Variants in HMCN1 observed in about 807,000 individuals in gnomAD.
HMCN1 encodes the protein hemicentin-1.
Under a neutral mutation model 625.9 loss-of-function variants are expected in HMCN1, and 321 were observed. The ratio of observed to expected loss-of-function variants is 0.51; its 90% confidence interval spans 0.47 to 0.56. The LOEUF (loss-of-function observed/expected upper bound fraction) is 0.56. HMCN1 is among the 20% of genes least tolerant of loss of function. The pLI, the probability that HMCN1 is intolerant of heterozygous loss-of-function variation, is 0.00. For synonymous variants in HMCN1, 2,425 were observed against 2,417.6 expected (o/e 1.00, Z -0.09); for missense variants, 6,588 against 6,887.3 (o/e 0.96, Z 1.54).
rs1427932901 is a variant in HMCN1, at chr1:186,148,912, G to A, written c.14609-2288G>A. On this transcript the variant is annotated intron_variant, in intron 93 of 106. Coordinates refer to ENST00000271588, the MANE Select transcript of HMCN1 (RefSeq NM_031935.3). ...TGCAGTGAACATTCACATGTCAGTGGGCAGTAATACTTTGAAAGGAATCTT... is the reference window on the plus strand; with the variant it reads ...TGCAGTGAACATTCACATGTCAGTGAGCAGTAATACTTTGAAAGGAATCTT... Among the ~76,000 whole-genome samples the A allele has an allele frequency of 3.3e-5, 5 of 151,302 alleles. No homozygotes were observed. In the Admixed American group the frequency reaches 3.3e-4, roughly 10 times the overall value.
chr1:186,160,613 A>G (rs867137692), intron 97 of HMCN1, among the ~76,000 whole-genome samples: 1 of 150,744 alleles, frequency 6.6e-6, no homozygotes, highest in Non-Finnish European at 1.5e-5. Flanking sequence ...AGATTCTGTT[A>G]TGTTGTGTCT....
Position 186,132,360 on chromosome 1 carries a change from T to C in HMCN1, c.13263T>C (p.Ala4421=). 1 of 1,612,968 alleles carries C rather than the reference T, an allele frequency of 6.2e-7. No homozygotes were observed. Residue 4421 remains alanine (A), a synonymous_variant, in exon 86 of 107, where the codon GCT becomes GCC. Transcript: ENST00000271588. The part of the protein sequence containing the change: ...NEDAGDYTCV[A]TNEAGVVERS... ...ATGCCGGTGACTATACATGTGTAGC[T>C]ACCAATGAAGCTGGGGTGGTGGAGC...
chr1:185,908,416 T>A (rs1045612591), intron 4 of HMCN1, among the ~76,000 whole-genome samples: 1 of 151,940 alleles, frequency 6.6e-6, no homozygotes, highest in African/African-American at 2.4e-5. Flanking sequence ...AAAGAAAATT[T>A]TCATGGTGAT....
Position 186,015,983 on chromosome 1 carries a change from G to A in HMCN1, c.4935G>A (p.Leu1645=), listed in dbSNP as rs757049283. The change falls in exon 32 of 107, where the codon TTG becomes TTA. Residue 1645 remains leucine, a synonymous_variant. Transcript: ENST00000271588. The part of the protein sequence containing the change: ...VYVPPMIEGN[L]ATPLNKQVVI... ...TTCCTCCAATGATTGAAGGCAACTT[G>A]GCCACGCCTTTGAATAAGCAAGTAG... 6.2e-7 allele frequency: 1 copy of A among 1,613,364 alleles called. No homozygotes were observed. Among genetic ancestry groups the A allele is most frequent in the South Asian group, 1.1e-5 (1 of 91,062 alleles).
chr1:185,766,647 C>G (rs1277359039), intron 1 of HMCN1, among the ~76,000 whole-genome samples: 2 of 152,024 alleles, frequency 1.3e-5, no homozygotes, highest in African/African-American at 4.8e-5. Context: ...GCAGTTAAAA[C>G]AGAGCTAGGT....
At chr1:186,058,534 G>A (rs916635260) in intron 46 of HMCN1, among the ~76,000 whole-genome samples, 2 of 151,780 alleles carry the variant, frequency 1.3e-5, no homozygotes, top group Non-Finnish European at 2.9e-5. Flanking sequence ...TAAATCTTGT[G>A]GTGTATTTGG....
At chr1:186,005,033 G>C in intron 29 of HMCN1, among the ~76,000 whole-genome samples, 1 of 151,618 alleles carries the variant, frequency 6.6e-6, no homozygotes, top group East Asian at 1.9e-4. Context: ...TAAAACTTTA[G>C]ATATCTTTGG....
In HMCN1 at chr1:186,093,149, C is replaced by T. The variant is rs1483469406; in HGVS notation, c.9903C>T (p.Gly3301=). Residue 3301 remains glycine, a synonymous_variant, in exon 65 of 107, where the codon GGC becomes GGT. Coordinates refer to ENST00000271588, the MANE Select transcript of HMCN1 (RefSeq NM_031935.3). ...TTTTCCGTAGAGTGAGTGCAAATGG[C>T]AGCACATTAAACATTTATGGAGCTC... ...ETERIRVSAN[G]STLNIYGALT... 6.2e-7 allele frequency: 1 copy of T among 1,613,296 alleles called. No individual in the cohort carries two copies. The highest frequency in any genetic ancestry group is 8.5e-7 in the Non-Finnish European group (1 of 1,179,520).
At chr1:185,943,223 G>A (rs1165095922) in intron 11 of HMCN1, among the ~76,000 whole-genome samples, 1 of 152,114 alleles carries the variant, frequency 6.6e-6, no homozygotes, top group African/African-American at 2.4e-5. Context: ...TGACAAGGCG[G>A]TTGTGGGAAC....
rs766008429 is a variant in HMCN1, at chr1:186,093,580, G to A, written c.10107G>A (p.Thr3369=). ...ATATTGAATGCAGAGCCACAGGGAC[G>A]CCTCCACCACAGATAAACTGGCTGA... The part of the protein sequence containing the change: ...SINIECRATG[T]PPPQINWLKN... The change falls in exon 66 of 107, where the codon ACG becomes ACA. Residue 3369 remains threonine (T), a synonymous_variant. Transcript: ENST00000271588. 53 of 1,613,258 alleles carry A rather than the reference G, an allele frequency of 3.3e-5. No individual in the cohort carries two copies. The highest frequency in any genetic ancestry group is 4.5e-5 in the East Asian group (2 of 44,864).
chr1:185,750,842 C>G (rs1005405822), intron 1 of HMCN1, among the ~76,000 whole-genome samples: 1 of 151,196 alleles, frequency 6.6e-6, no homozygotes, highest in Non-Finnish European at 1.5e-5. Context: ...ATTTTCCCCC[C>G]CTCCCTCCTA....
At chr1:186,081,876 G>C (rs1215249433) in intron 56 of HMCN1, among the ~76,000 whole-genome samples, 2 of 152,146 alleles carry the variant, frequency 1.3e-5, no homozygotes, top group African/African-American at 4.8e-5. Flanking sequence ...TGAAAGAAAA[G>C]CACTTGTAGA....
intron 10 of HMCN1, among the ~76,000 whole-genome samples, chr1:185,929,468 A>C (rs1171657219): frequency 3.9e-5 from 6 of 152,156 alleles, no homozygotes; most frequent in African/African-American, 1.4e-4. Flanking sequence ...TTTACTCAGC[A>C]TTTATCTATA....
rs774979781 is a variant in HMCN1 at position 185,865,851 on chromosome 1, A to T, written c.609A>T (p.Lys203Asn). ...GTCAAGTGTTCCATCTGGACAAAAA[A>T]CAAGTTAATGAGGTCAGTTTAATAA... The part of the protein sequence containing the change: ...SSGQVFHLDK[K>N]QVNEVLKWVE... Residue 203 changes from lysine (K) to asparagine (N), a missense_variant, in exon 4 of 107, where the codon AAA (lysine) becomes AAT (asparagine). By Grantham distance (94) the Lys-to-Asn change is moderately conservative. This residue lies in a region of HMCN1 where 4,628 missense variants were observed against 4,853.1 expected (regional missense o/e 0.95). Coordinates refer to ENST00000271588, the MANE Select transcript of HMCN1 (RefSeq NM_031935.3). The T allele has an allele frequency of 4.3e-6, 7 of 1,613,648 alleles. No individual in the cohort carries two copies. Among genetic ancestry groups the T allele is most frequent in the Admixed American group, 3.3e-5 (2 of 60,010 alleles).
chr1:185,866,298 A>G (rs1173678287), intron 4 of HMCN1, among the ~76,000 whole-genome samples: 1 of 151,858 alleles, frequency 6.6e-6, no homozygotes, highest in Non-Finnish European at 1.5e-5. Flanking sequence ...ATGACTAACT[A>G]GTAACTATGT....
At chr1:185,918,337 G>T (rs898157111) in intron 6 of HMCN1, among the ~76,000 whole-genome samples, 1 of 152,290 alleles carries the variant, frequency 6.6e-6, no homozygotes, top group East Asian at 1.9e-4. Context: ...ATGGAAGAAA[G>T]CATCCATCAT....
rs372669405 is a variant in HMCN1, at chr1:186,038,904, T to C, written c.5927T>C (p.Ile1976Thr). The change falls in exon 38 of 107, where the codon ATT (isoleucine) becomes ACT (threonine). Residue 1976 changes from isoleucine (I) to threonine (T), a missense_variant. Coordinates refer to ENST00000271588, the MANE Select transcript of HMCN1 (RefSeq NM_031935.3). Reference sequence around the variant, plus strand: ...ACTTTCTTGAACAGAGGACAGATCATTGATATTGAAAGTGCCCAGATCTCA... The same window carrying C: ...ACTTTCTTGAACAGAGGACAGATCACTGATATTGAAAGTGCCCAGATCTCA... ...SMTFLNRGQIIDIESAQISDA... is the reference protein window; with the variant it reads ...SMTFLNRGQITDIESAQISDA... The C allele has an allele frequency of 1.1e-5, 17 of 1,604,072 alleles. No individual in the cohort carries two copies. In the African/African-American group the frequency reaches 1.6e-4, roughly 15 times the overall value.
intron 4 of HMCN1, among the ~76,000 whole-genome samples, chr1:185,867,199 T>C (rs914023489): frequency 9.2e-5 from 14 of 152,190 alleles, no homozygotes; most frequent in African/African-American, 2.4e-4. Context: ...GAAACAGTTT[T>C]AGAGAGGGTT....
intron 5 of HMCN1, 75 bp from the exon 6 acceptor site, chr1:185,911,599 A>G: frequency 9.5e-7 from 1 of 1,053,914 alleles, no homozygotes; most frequent in Non-Finnish European, 1.5e-6. Flanking sequence ...TCTTAGTTTT[A>G]TGTAGTGTTA....
Sources: allele counts gnomAD v4.1 joint callset (sites outside exome capture counted in the v4.1 genomes callset), GRCh38; gene constraint gnomAD v4.1.1; regional missense constraint gnomAD v4.1.1; transcripts MANE v1.5; gene names NCBI Gene and HGNC (gene_info 2026-07-23, HGNC 2026-07-21).